Variants in EDNRA observed in about 807,000 individuals in gnomAD.
The protein encoded by EDNRA is endothelin-1 receptor.
EDNRA carries 11 observed loss-of-function variants against 41.4 expected under a neutral mutation model. The ratio of observed to expected loss-of-function variants is 0.27; its 90% CI spans 0.17 to 0.44. EDNRA has a LOEUF of 0.44. Among genes scored for constraint, EDNRA ranks in the 20% least tolerant of loss-of-function variants. EDNRA has a pLI of 1.00. For missense variants in EDNRA, 294 were observed against 531.0 expected (o/e 0.55, Z 4.39); for synonymous variants, 172 against 183.0 (o/e 0.94, Z 0.49).
At chr4:147,484,537 T>C (rs1302430943) in intron 1 of EDNRA, among the ~76,000 whole-genome samples, 3 of 152,138 alleles carry the variant, frequency 2.0e-5, no homozygotes, top group East Asian at 1.9e-4. Context: ...ATCTTCAAAA[T>C]TGAACCGTGG....
At chr4:147,495,877 C>T (rs779738510) in intron 2 of EDNRA, 3 of 152,176 alleles carry the variant, frequency 2.0e-5, no homozygotes, top group Admixed American at 6.5e-5. Context: ...GGAAGCATAA[C>T]AGATGACATT....
At position 147,536,019 on chromosome 4, in the gene EDNRA, A is replaced by G. The variant is rs761549167; in HGVS notation, c.890A>G (p.His297Arg). The G allele has an allele frequency of 3.7e-6, 6 of 1,613,994 alleles. No individual in the cohort carries two copies. The highest frequency in any genetic ancestry group is 5.1e-6 in the Non-Finnish European group (6 of 1,179,900). Residue 297 changes from histidine to arginine, a missense_variant, in exon 5 of 8, where the codon CAT becomes CGT. By Grantham distance (29) the His-to-Arg change is conservative (BLOSUM62 0). Transcript: ENST00000651419. ...NGSLRIALSE[H>R]LKQRREVAKT... ...AGCTTGAGAATTGCCCTCAGTGAAC[A>G]TCTTAAGCAGGTAAATCCCATAACA... is the stretch of plus-strand genomic sequence containing the variant.
intron 2 of EDNRA, among the ~76,000 whole-genome samples, chr4:147,509,899 TG>T (rs1729861430): frequency 6.6e-6 from 1 of 152,028 alleles, no homozygotes; most frequent in Non-Finnish European, 1.5e-5. Flanking sequence ...GCACAATAAA[TG>T]TAATATGCTT....
intron 2 of EDNRA, among the ~76,000 whole-genome samples, chr4:147,499,085 T>C (rs926297054): frequency 3.3e-5 from 5 of 152,220 alleles, no homozygotes; most frequent in African/African-American, 1.2e-4. Flanking sequence ...AGAAAGGGCC[T>C]CACTCTACCA....
At position 147,485,945 on chromosome 4, in the gene EDNRA, T is replaced by C. The variant is rs781306060; in HGVS notation, c.264T>C (p.Cys88=). 6.2e-6 allele frequency: 10 copies of C among 1,614,270 alleles called. No homozygotes were observed. Among genetic ancestry groups the C allele is most frequent in the Non-Finnish European group, 8.5e-6 (10 of 1,180,046 alleles). Residue 88 remains cysteine, a synonymous_variant, in exon 2 of 8, where the codon TGT becomes TGC. Coordinates refer to ENST00000651419, the MANE Select transcript of EDNRA (RefSeq NM_001957.4). ...AATACATTAACACTGTGATATCTTG[T>C]ACTATTTTCATCGTGGGAATGGTGG... ...AFKYINTVIS[C]TIFIVGMVGN...
intron 7 of EDNRA, among the ~76,000 whole-genome samples, chr4:147,540,877 A>G (rs1731076079): frequency 6.6e-6 from 1 of 151,924 alleles, no homozygotes; most frequent in Non-Finnish European, 1.5e-5. Flanking sequence ...GCGCTCACTG[A>G]TCGAGACCAT....
chr4:147,537,664 A>G (rs954090110), intron 5 of EDNRA, among the ~76,000 whole-genome samples: 6 of 152,176 alleles, frequency 3.9e-5, no homozygotes, highest in Non-Finnish European at 8.8e-5. Context: ...TTAAGTTTTT[A>G]AAGTGCATTT....
At position 147,486,179 on chromosome 4, in the gene EDNRA, C is replaced by G; in HGVS notation, c.420+78C>G. 1 of 1,476,584 alleles carries G rather than the reference C, an allele frequency of 6.8e-7. No homozygotes were observed. 91.5% of individuals were successfully genotyped at this position (1,476,584 alleles called of 1,614,324 possible). ...ACGTGGAGAGTTGCTGCAGACTTTT[C>G]TGACCTTTGGAATTTTATCTGTGTT... is the stretch of plus-strand genomic sequence containing the variant. On this transcript the variant is annotated intron_variant, in intron 2 of 7. Coordinates refer to ENST00000651419, the MANE Select transcript of EDNRA (RefSeq NM_001957.4). The surrounding 1 kb of genome is among the most constrained non-coding windows in gnomAD (Gnocchi z 4.3).
chr4:147,491,883 A>C (rs1017820500), intron 2 of EDNRA: 1 of 152,238 alleles, frequency 6.6e-6, no homozygotes, highest in Non-Finnish European at 1.5e-5. Flanking sequence ...ATTGTATTCC[A>C]GCTAGATGTT....
chr4:147,544,072 T>C lies in EDNRA; in HGVS notation c.*1454T>C, dbSNP rs1731206775. ...CTGTGGAATATATTTGTGTGTGTGA[T>C]ATATGCATGTGTGTGATGGTATGTA... On this transcript the variant is annotated 3_prime_UTR_variant, in exon 8 of 8. Transcript: ENST00000651419. 1 of 152,676 alleles carries C rather than the reference T, an allele frequency of 6.5e-6. No individual in the cohort carries two copies. Among genetic ancestry groups the C allele is most frequent in the Non-Finnish European group, 1.5e-5 (1 of 68,046 alleles). 9.5% of individuals were successfully genotyped at this position (152,676 alleles called of 1,614,324 possible). A position where few individuals can be genotyped will look rare whatever the true frequency, so the allele number is the denominator to read the frequency against.
chr4:147,513,691 G>C (rs1482297404), intron 2 of EDNRA, among the ~76,000 whole-genome samples: 1 of 152,102 alleles, frequency 6.6e-6, no homozygotes, highest in African/African-American at 2.4e-5. Context: ...AATTCTAAGC[G>C]ACCCTATAAT....
In EDNRA at chr4:147,519,219, G is replaced by A. The variant is rs886543421; in HGVS notation, c.421-632G>A. Reference sequence around the variant, plus strand: ...CAGCCCCTTAAGCACAGAGGAAAATGTAAGTTCAAAGTGGCTTTAGGTGTT... The same window carrying A: ...CAGCCCCTTAAGCACAGAGGAAAATATAAGTTCAAAGTGGCTTTAGGTGTT... On this transcript the variant is annotated intron_variant, in intron 2 of 7. Transcript: ENST00000651419. This position sits in a 1 kb window ranked among gnomAD's most constrained non-coding sequence, Gnocchi z 4.1. Among the ~76,000 whole-genome samples the A allele has an allele frequency of 6.6e-6, 1 of 152,220 alleles. No homozygotes were observed. Among genetic ancestry groups the A allele is most frequent in the Non-Finnish European group, 1.5e-5 (1 of 68,042 alleles).
Position 147,505,179 on chromosome 4 carries a change from A to G in EDNRA, c.421-14672A>G, listed in dbSNP as rs546304575. Among the ~76,000 whole-genome samples, 4 of 147,340 alleles carry G rather than the reference A, an allele frequency of 2.7e-5. No homozygotes were observed. The East Asian group carries it at 6.0e-4, about 22-fold the overall frequency. ...TCAAACCGCAGTGAGATATCACTAC[A>G]CCCTATCTGAATGGCTAAAATGTAA... On this transcript the variant is annotated intron_variant, in intron 2 of 7. Transcript: ENST00000651419.
At chr4:147,490,425 A>G (rs1254542772) in intron 2 of EDNRA, 1 of 152,242 alleles carries the variant, frequency 6.6e-6, no homozygotes, top group Admixed American at 6.5e-5. Flanking sequence ...AGGAAGGAGG[A>G]AGGGAAAGGA....
At chr4:147,509,052 T>C (rs935375958) in intron 2 of EDNRA, among the ~76,000 whole-genome samples, 11 of 152,212 alleles carry the variant, frequency 7.2e-5, no homozygotes, top group African/African-American at 2.7e-4. Flanking sequence ...TAATATCAAT[T>C]CTTCTTTTGT....
At chr4:147,538,548 G>A (rs1730991539) in intron 5 of EDNRA, among the ~76,000 whole-genome samples, 1 of 152,188 alleles carries the variant, frequency 6.6e-6, no homozygotes, top group African/African-American at 2.4e-5. Context: ...CTCAGGAAAG[G>A]TAACCTCTCC....
At position 147,494,074 on chromosome 4, in the gene EDNRA, T is replaced by C. The variant is rs556058306; in HGVS notation, c.420+7973T>C. The C allele has an allele frequency of 2.0e-5, 3 of 152,344 alleles. No homozygotes were observed. The South Asian group carries it at 6.2e-4, about 32-fold the overall frequency. 9.4% of individuals were successfully genotyped at this position (152,344 alleles called of 1,614,324 possible). A position where few individuals can be genotyped will look rare whatever the true frequency, so the allele number is the denominator to read the frequency against. ...GCAAGTCAAATCTTGCATCTCATAC[T>C]TGCCCTAAACATGAGACTCCTGTTA... On this transcript the variant is annotated intron_variant, in intron 2 of 7. Coordinates refer to ENST00000651419, the MANE Select transcript of EDNRA (RefSeq NM_001957.4).
At chr4:147,533,896 G>A (rs1730832483) in intron 4 of EDNRA, among the ~76,000 whole-genome samples, 1 of 152,178 alleles carries the variant, frequency 6.6e-6, no homozygotes, top group South Asian at 2.1e-4. Context: ...AGGCATGGGT[G>A]GGCTAGACGG....
chr4:147,532,812 C>T (rs777619624), intron 4 of EDNRA, 108 bp downstream of exon 4: 36 of 1,154,990 alleles, frequency 3.1e-5, no homozygotes, highest in Non-Finnish European at 4.4e-5. Flanking sequence ...GTGGTTTCTT[C>T]TGTCAAATAT....
Sources: allele counts gnomAD v4.1 joint callset (sites outside exome capture counted in the v4.1 genomes callset), GRCh38; gene constraint gnomAD v4.1.1; non-coding constraint Gnocchi (gnomAD v3.1); transcripts MANE v1.5; gene names NCBI Gene and HGNC (gene_info 2026-07-23, HGNC 2026-07-21).